CTNNA3: variants seen among roughly 807,000 people sequenced by gnomAD.
CTNNA3 encodes the protein catenin alpha 3, also known as catenin alpha-3.
Under a neutral mutation model 95.7 loss-of-function variants are expected in CTNNA3, and 76 were observed. The observed-to-expected ratio is 0.79, with a 90% CI of 0.66 to 0.96. CTNNA3 has a LOEUF of 0.96. Ranked by LOEUF, CTNNA3 falls within the 40% of genes least tolerant of loss-of-function variation. The probability of loss-of-function intolerance (pLI) is 0.00; values close to 1 mark genes in which losing one functional copy is unlikely to be tolerated. For missense variants in CTNNA3, 1,191 were observed against 1,089.8 expected, an observed-to-expected ratio of 1.09 and a Z score of -1.31; for synonymous variants, 431 against 374.4, an observed-to-expected ratio of 1.15 and a Z score of -1.74.
At chr10:66,218,906 G>T (rs758995095) in intron 13 of CTNNA3, among the ~76,000 whole-genome samples, 3 of 152,152 alleles carry the variant, frequency 2.0e-5, no homozygotes. Context: ...TCCTAATCAA[G>T]AAACTTCCAA....
intron 3 of CTNNA3, among the ~76,000 whole-genome samples, chr10:67,548,954 T>C (rs1264457357): frequency 1.3e-5 from 2 of 152,168 alleles, no homozygotes; most frequent in Non-Finnish European, 1.5e-5. Context: ...AGAGTCTAAA[T>C]AGACATTTCT....
intron 13 of CTNNA3, among the ~76,000 whole-genome samples, chr10:66,235,100 A>T (rs1170910569): frequency 6.6e-6 from 1 of 152,202 alleles, no homozygotes; most frequent in East Asian, 1.9e-4. Flanking sequence ...CCTAGCTGAC[A>T]TCTTAACTGC....
chr10:67,726,464 TGATATA>T (rs1841222852), intron 1 of CTNNA3, among the ~76,000 whole-genome samples: 1 of 41,272 alleles, frequency 2.4e-5, no homozygotes, highest in East Asian at 9.3e-4. Flanking sequence ...ATATGATATA[TGATATA>T]ATATTATATA....
At chr10:66,388,203 A>G (rs1028061011) in intron 11 of CTNNA3, among the ~76,000 whole-genome samples, 6 of 152,162 alleles carry the variant, frequency 3.9e-5, no homozygotes, top group African/African-American at 1.4e-4. Flanking sequence ...TGTATTCACT[A>G]AGGTGTTCAA....
At chr10:66,474,053 G>C (rs929293959) in intron 11 of CTNNA3, among the ~76,000 whole-genome samples, 2 of 151,796 alleles carry the variant, frequency 1.3e-5, no homozygotes. Context: ...TTATAGCAGT[G>C]TGAGAATGGA....
chr10:66,953,536 A>G (rs1474441249), intron 7 of CTNNA3, among the ~76,000 whole-genome samples: 1 of 152,146 alleles, frequency 6.6e-6, no homozygotes, highest in Non-Finnish European at 1.5e-5. Flanking sequence ...TTTGCTTGAA[A>G]CAGTCTTACT....
At chr10:66,487,263 G>A (rs189434878) in intron 11 of CTNNA3, among the ~76,000 whole-genome samples, 298 of 129,070 alleles carry the variant, frequency 2.3e-3, no homozygotes, top group Non-Finnish European at 3.4e-3. Flanking sequence ...GTGCGGTGGC[G>A]CGATCTCGGC....
At chr10:67,733,784 TAATA>T (rs1373414557) in intron 1 of CTNNA3, among the ~76,000 whole-genome samples, 1 of 152,178 alleles carries the variant, frequency 6.6e-6, no homozygotes, top group Non-Finnish European at 1.5e-5. Flanking sequence ...ACTCATGCTT[TAATA>T]ACTCTTGTAA....
chr10:66,836,405 C>T (rs1842889623), intron 7 of CTNNA3, among the ~76,000 whole-genome samples: 1 of 152,072 alleles, frequency 6.6e-6, no homozygotes, highest in Non-Finnish European at 1.5e-5. Flanking sequence ...TGTGAAGATC[C>T]ATTTCTCACA....
intron 1 of CTNNA3, among the ~76,000 whole-genome samples, chr10:67,704,757 A>C (rs1339768532): frequency 1.3e-5 from 2 of 152,200 alleles, no homozygotes; most frequent in Non-Finnish European, 2.9e-5. Flanking sequence ...CAATGGCAAC[A>C]AAAGCCAAAA....
chr10:67,169,524 T>A (rs543710663), intron 7 of CTNNA3, among the ~76,000 whole-genome samples: 79 of 152,224 alleles, frequency 5.2e-4, no homozygotes, highest in South Asian at 4.1e-3. Flanking sequence ...AAAATAACAA[T>A]TGGGAAAAGA....
intron 7 of CTNNA3, among the ~76,000 whole-genome samples, chr10:67,109,522 T>A (rs1251438311): frequency 6.6e-6 from 1 of 152,194 alleles, no homozygotes; most frequent in Non-Finnish European, 1.5e-5. Flanking sequence ...AGCAACCAGT[T>A]CAAGGCATAG....
intron 16 of CTNNA3, among the ~76,000 whole-genome samples, chr10:65,983,350 T>G (rs2078362506): frequency 6.6e-6 from 1 of 151,722 alleles, no homozygotes; most frequent in Middle Eastern, 3.4e-3. Context: ...TATTGTCTCC[T>G]TCCTATCTAG....
In CTNNA3 at chr10:66,002,711, A is replaced by G; in HGVS notation, c.2160-13914T>C. On this transcript the variant is annotated intron_variant, in intron 15 of 17. Transcript: ENST00000433211. ...TCTGCACAAGTCATTGCATCCAGAT[A>G]TCCAACAACAGAAAGGAATGAGAAT... Among the ~76,000 whole-genome samples, 2 of 152,154 alleles carry G rather than the reference A, an allele frequency of 1.3e-5. 1 individual carries two copies. Among genetic ancestry groups the G allele is most frequent in the Admixed American group, 1.3e-4 (2 of 15,276 alleles).
chr10:67,703,682 A>C (rs1410246492), intron 1 of CTNNA3, among the ~76,000 whole-genome samples: 1 of 152,198 alleles, frequency 6.6e-6, no homozygotes, highest in African/African-American at 2.4e-5. Context: ...CTGAATGGGC[A>C]AACACTGGAA....
At chr10:66,020,951 A>G (rs572227249) in intron 15 of CTNNA3, among the ~76,000 whole-genome samples, 49 of 152,144 alleles carry the variant, frequency 3.2e-4, no homozygotes, top group African/African-American at 1.1e-3. Context: ...GGGATTACAC[A>G]CGTGAGCCAC....
intron 9 of CTNNA3, among the ~76,000 whole-genome samples, chr10:66,630,480 T>G (rs992714656): frequency 2.6e-5 from 4 of 152,160 alleles, no homozygotes; most frequent in African/African-American, 9.7e-5. Context: ...AGGTCCCAAT[T>G]TAGCTTTTAA....
chr10:65,966,794 G>T (rs1421832298), intron 16 of CTNNA3, 48 bp from the exon 17 acceptor site: 3 of 1,472,026 alleles, frequency 2.0e-6, no homozygotes, highest in Non-Finnish European at 1.9e-6. Context: ...ATAAATAATA[G>T]TTAGATCAAG....
At chr10:66,264,219 T>C (rs1360703774) in intron 13 of CTNNA3, among the ~76,000 whole-genome samples, 1 of 151,968 alleles carries the variant, frequency 6.6e-6, no homozygotes, top group African/African-American at 2.4e-5. Context: ...CCGAAACAGA[T>C]TCCTCCAAGT....
Sources: gnomAD v4.1 joint callset for allele counts (sites outside exome capture counted in the v4.1 genomes callset) on GRCh38, gnomAD v4.1.1 for gene constraint, MANE v1.5 for transcripts, NCBI Gene and HGNC (gene_info 2026-07-23, HGNC 2026-07-21) for gene names.